The following WWOX variants were observed in gnomAD, a reference collection of about 807,000 sequenced individuals.
The protein encoded by WWOX is WW domain containing oxidoreductase, also known as WW domain-containing oxidoreductase.
A neutral mutation model predicts 46.2 loss-of-function variants in WWOX; 69 were observed. That is an observed-to-expected ratio of 1.49 (90% confidence interval 1.23 to 1.82). The LOEUF (loss-of-function observed/expected upper bound fraction) is 1.82, where lower values mean the gene tolerates loss of function less well. WWOX is among the 40% of genes most tolerant of loss of function. The probability of loss-of-function intolerance (pLI) is 0.00; values close to 1 mark genes in which losing one functional copy is unlikely to be tolerated. For missense variants in WWOX, 919 were observed against 542.6 expected (o/e 1.69, Z -6.89); for synonymous variants, 359 against 202.6 (o/e 1.77, Z -6.56).
intron 8 of WWOX, among the ~76,000 whole-genome samples, chr16:78,857,569 G>T (rs913071579): frequency 6.6e-6 from 1 of 152,134 alleles, no homozygotes; most frequent in Non-Finnish European, 1.5e-5. Flanking sequence ...CTGACTGTCG[G>T]TCAAGAGTCT....
intron 8 of WWOX, chr16:78,550,803 T>C (rs1291839340): frequency 6.6e-6 from 1 of 151,538 alleles, no homozygotes; most frequent in African/African-American, 2.4e-5. Flanking sequence ...AAGTCAGGAG[T>C]GTGGAATGAA....
At chr16:78,331,275 G>A (rs376745841) in intron 5 of WWOX, among the ~76,000 whole-genome samples, 1 of 152,166 alleles carries the variant, frequency 6.6e-6, no homozygotes, top group East Asian at 1.9e-4. Context: ...ATATTTAGAA[G>A]TCACGTCGAT....
intron 5 of WWOX, among the ~76,000 whole-genome samples, chr16:78,219,200 GT>G (rs2151796336): frequency 6.8e-6 from 1 of 147,942 alleles, no homozygotes; most frequent in Admixed American, 6.9e-5. Flanking sequence ...GTGGAGCAGA[GT>G]TAAAAAAAAA....
At chr16:78,955,723 T>C (rs2046152313) in intron 8 of WWOX, among the ~76,000 whole-genome samples, 1 of 151,632 alleles carries the variant, frequency 6.6e-6, no homozygotes, top group Non-Finnish European at 1.5e-5. Context: ...GGCCCAATCA[T>C]GGCAGCCTCA....
chr16:78,639,225 T>C (rs1349384496), intron 8 of WWOX, among the ~76,000 whole-genome samples: 1 of 152,176 alleles, frequency 6.6e-6, no homozygotes, highest in African/African-American at 2.4e-5. Context: ...CGCAAAGTCC[T>C]GTAGGCCCAG....
At chr16:78,966,398 G>C (rs908680163) in intron 8 of WWOX, among the ~76,000 whole-genome samples, 2 of 152,124 alleles carry the variant, frequency 1.3e-5, no homozygotes, top group African/African-American at 4.8e-5. Flanking sequence ...GTCTATAGAA[G>C]TTTTGGTTCT....
chr16:79,201,506 G>A (rs1376663221), intron 8 of WWOX, among the ~76,000 whole-genome samples: 1 of 152,098 alleles, frequency 6.6e-6, no homozygotes, highest in African/African-American at 2.4e-5. Flanking sequence ...AGTCCCTTGT[G>A]CCATCAAATT....
chr16:78,470,821 G>A (rs1272433622), intron 8 of WWOX, among the ~76,000 whole-genome samples: 1 of 151,974 alleles, frequency 6.6e-6, no homozygotes, highest in East Asian at 1.9e-4. Context: ...GAGTCACCAT[G>A]CCCGACCAGC....
intron 5 of WWOX, among the ~76,000 whole-genome samples, chr16:78,382,962 C>T (rs2081986401): frequency 6.6e-6 from 1 of 151,684 alleles, no homozygotes; most frequent in Non-Finnish European, 1.5e-5. Context: ...CCTTAGGAAA[C>T]TTCCAATCAT....
chr16:78,292,550 C>G (rs1235995182), intron 5 of WWOX, among the ~76,000 whole-genome samples: 1 of 151,802 alleles, frequency 6.6e-6, no homozygotes, highest in Admixed American at 6.6e-5. Context: ...TTTCTATGGT[C>G]CAAATAAGTA....
intron 8 of WWOX, among the ~76,000 whole-genome samples, chr16:78,677,409 C>G (rs750092785): frequency 2.6e-5 from 4 of 152,302 alleles, no homozygotes; most frequent in African/African-American, 9.6e-5. Context: ...TGAAAACTTG[C>G]AATGGCTTGC....
At chr16:78,357,167 C>G (rs777865710) in intron 5 of WWOX, among the ~76,000 whole-genome samples, 1 of 152,150 alleles carries the variant, frequency 6.6e-6, no homozygotes, top group Non-Finnish European at 1.5e-5. Flanking sequence ...CAGTAAAGTT[C>G]CTGATGTTTG....
At chr16:78,462,493 T>C (rs773670924) in intron 8 of WWOX, among the ~76,000 whole-genome samples, 2 of 152,136 alleles carry the variant, frequency 1.3e-5, no homozygotes, top group African/African-American at 4.8e-5. Context: ...CCTTAGTAAA[T>C]TGTTGTAAGG....
At chr16:78,999,138 G>T (rs2047045659) in intron 8 of WWOX, among the ~76,000 whole-genome samples, 1 of 151,220 alleles carries the variant, frequency 6.6e-6, no homozygotes. Flanking sequence ...AGTGGCTGAT[G>T]CTTCTTCTTT....
intron 8 of WWOX, among the ~76,000 whole-genome samples, chr16:78,767,326 G>T (rs1352711679): frequency 2.0e-5 from 3 of 151,916 alleles, no homozygotes; most frequent in Non-Finnish European, 4.4e-5. Flanking sequence ...AGTAGAGACA[G>T]ATTTTGCCGT....
At chr16:78,308,507 G>C (rs2080176047) in intron 5 of WWOX, among the ~76,000 whole-genome samples, 1 of 152,148 alleles carries the variant, frequency 6.6e-6, no homozygotes, top group Middle Eastern at 3.4e-3. Flanking sequence ...TCTAGTATAG[G>C]ATCACTTTGC....
intron 8 of WWOX, among the ~76,000 whole-genome samples, chr16:78,965,004 G>C (rs2046338725): frequency 6.6e-6 from 1 of 152,202 alleles, no homozygotes; most frequent in African/African-American, 2.4e-5. Flanking sequence ...CTAGTTTTCA[G>C]AAAATATATG....
chr16:78,977,216 A>G (rs1485605432), intron 8 of WWOX, among the ~76,000 whole-genome samples: 1 of 152,204 alleles, frequency 6.6e-6, no homozygotes, highest in Non-Finnish European at 1.5e-5. Context: ...ACTTCTTCAG[A>G]CAGGAGAGCC....
intron 8 of WWOX, among the ~76,000 whole-genome samples, chr16:78,859,046 A>G (rs1159541730): frequency 3.6e-5 from 1 of 27,966 alleles, no homozygotes; most frequent in South Asian, 1.3e-3. Flanking sequence ...ATATATATAT[A>G]TATGTATATA....
Sources: allele counts gnomAD v4.1 joint callset (sites outside exome capture counted in the v4.1 genomes callset), GRCh38; gene constraint gnomAD v4.1.1; transcripts MANE v1.5; gene names NCBI Gene and HGNC (gene_info 2026-07-23, HGNC 2026-07-21).